Variants in ITFG1 observed in about 807,000 individuals in gnomAD.
The protein encoded by ITFG1 is integrin alpha FG-GAP repeat containing 1.
In ITFG1, 34 loss-of-function variants were observed where a neutral mutation model predicts 81.8. That is an observed-to-expected ratio of 0.42 (90% CI 0.32 to 0.55). ITFG1 has a LOEUF of 0.55. Among genes scored for constraint, ITFG1 ranks in the 20% least tolerant of loss-of-function variants. The pLI, the probability that ITFG1 is intolerant of heterozygous loss-of-function variation, is 0.17. For missense variants in ITFG1, 672 were observed against 755.4 expected, an observed-to-expected ratio of 0.89 and a Z score of 1.29; for synonymous variants, 285 against 270.6, an observed-to-expected ratio of 1.05 and a Z score of -0.52.
intron 10 of ITFG1, among the ~76,000 whole-genome samples, chr16:47,293,057 C>T (rs1000986669): frequency 6.8e-6 from 1 of 147,302 alleles, no homozygotes; most frequent in Non-Finnish European, 1.5e-5. Flanking sequence ...ATCATATATA[C>T]AAATACACAT....
intron 14 of ITFG1, among the ~76,000 whole-genome samples, chr16:47,179,149 C>T (rs997908964): frequency 2.0e-5 from 3 of 152,162 alleles, no homozygotes; most frequent in Non-Finnish European, 4.4e-5. Flanking sequence ...CTAGTTCAAC[C>T]ATTGTGGAAG....
At chr16:47,218,688 C>T (rs1965655762) in intron 14 of ITFG1, 180 bp downstream of exon 14, 2 of 361,524 alleles carry the variant, frequency 5.5e-6, no homozygotes, top group South Asian at 1.1e-4. Flanking sequence ...TGAAAGTGAA[C>T]ATTTTTTGTC....
At chr16:47,378,018 A>G (rs928668335) in intron 6 of ITFG1, among the ~76,000 whole-genome samples, 2 of 152,230 alleles carry the variant, frequency 1.3e-5, no homozygotes, top group Non-Finnish European at 2.9e-5. Context: ...AAATAATCAC[A>G]GTGACTACTG....
Position 47,311,302 on chromosome 16 carries a change from A to G in ITFG1, c.1008T>C (p.Ile336=), listed in dbSNP as rs142063352. The stretch of plus-strand genomic sequence containing the variant: ...GATAGCCATCCATATTGTAGTCTCC[A>G]ATATGAAGGGTAATTGGAATTGGTA... ...TEIPIPITLH[I]GDYNMDGYPD... is the part of the protein sequence containing the mutation. The change falls in exon 10 of 18, where the codon ATT becomes ATC. Residue 336 remains isoleucine (I), a synonymous_variant. Coordinates refer to ENST00000320640, the MANE Select transcript of ITFG1 (RefSeq NM_030790.5). 1.2e-6 allele frequency: 2 copies of G among 1,613,574 alleles called. No homozygotes were observed. The highest frequency in any genetic ancestry group is 1.7e-6 in the Non-Finnish European group (2 of 1,179,532).
chr16:47,201,731 A>C (rs1965427164), intron 14 of ITFG1, among the ~76,000 whole-genome samples: 1 of 152,206 alleles, frequency 6.6e-6, no homozygotes, highest in Non-Finnish European at 1.5e-5. Context: ...ATGTTATCTT[A>C]CAATTAATCA....
At chr16:47,237,555 A>G (rs1054434105) in intron 13 of ITFG1, among the ~76,000 whole-genome samples, 1 of 152,216 alleles carries the variant, frequency 6.6e-6, no homozygotes, top group South Asian at 2.1e-4. Context: ...TTAAGACTAC[A>G]CACAAAAAAG....
intron 8 of ITFG1, chr16:47,317,732 C>G (rs12925877): frequency 5.9e-5 from 9 of 151,980 alleles, no homozygotes; most frequent in Non-Finnish European, 1.2e-4. Flanking sequence ...CCCATTGATG[C>G]CAGGGGGTGC....
At chr16:47,376,291 C>T (rs1968323296) in intron 6 of ITFG1, among the ~76,000 whole-genome samples, 1 of 151,960 alleles carries the variant, frequency 6.6e-6, no homozygotes, top group Non-Finnish European at 1.5e-5. Flanking sequence ...CATTTGCTTT[C>T]TCACCCTGAA....
At chr16:47,407,214 T>A (rs1244911442) in intron 6 of ITFG1, among the ~76,000 whole-genome samples, 2 of 152,186 alleles carry the variant, frequency 1.3e-5, no homozygotes, top group African/African-American at 4.8e-5. Context: ...TGAGAAATGA[T>A]GGCGACTTGA....
intron 5 of ITFG1, chr16:47,449,485 A>C (rs1249381522): frequency 6.6e-6 from 1 of 152,242 alleles, no homozygotes; most frequent in East Asian, 1.9e-4. Flanking sequence ...TGTCTGAACC[A>C]TGATATTGTT....
intron 2 of ITFG1, among the ~76,000 whole-genome samples, chr16:47,456,344 T>G (rs1295441063): frequency 6.6e-6 from 1 of 152,128 alleles, no homozygotes; most frequent in African/African-American, 2.4e-5. Flanking sequence ...AGGGTTGAAT[T>G]TTAAAACTGC....
chr16:47,266,625 G>C (rs1966279679), intron 10 of ITFG1, among the ~76,000 whole-genome samples: 1 of 152,170 alleles, frequency 6.6e-6, no homozygotes, highest in Admixed American at 6.5e-5. Flanking sequence ...TGGTACAGCA[G>C]CTTTGAAAAA....
At chr16:47,225,566 C>T (rs895020049) in intron 13 of ITFG1, among the ~76,000 whole-genome samples, 5 of 152,130 alleles carry the variant, frequency 3.3e-5, no homozygotes, top group Non-Finnish European at 4.4e-5. Context: ...CAATTCATCA[C>T]GGACAAGGTA....
At chr16:47,336,492 T>C (rs1967705406) in intron 8 of ITFG1, among the ~76,000 whole-genome samples, 1 of 152,194 alleles carries the variant, frequency 6.6e-6, no homozygotes, top group Non-Finnish European at 1.5e-5. Flanking sequence ...CTAGGGACTA[T>C]CTGGAAGATG....
intron 14 of ITFG1, among the ~76,000 whole-genome samples, chr16:47,175,228 C>CTA (rs1385038170): frequency 1.3e-5 from 2 of 151,806 alleles, no homozygotes; most frequent in African/African-American, 4.8e-5. Flanking sequence ...TTCTTGTGTA[C>CTA]TATTTCAACT....
In ITFG1 at chr16:47,375,989, T is replaced by C. The variant is rs1487055081; in HGVS notation, c.656-49A>G. 3.6e-6 allele frequency: 4 copies of C among 1,113,930 alleles called. No individual in the cohort carries two copies. The African/African-American group carries it at 4.7e-5, about 13-fold the overall frequency. The allele number at this position is 1,113,930 out of a possible 1,614,324, so 69.0% of individuals were successfully genotyped here. The stretch of plus-strand genomic sequence containing the variant: ...GTAAAGTTTTGTAGTCTTACTGATG[T>C]GTACATTTAAAAACAGAAAAAAAAT... On this transcript the variant is annotated intron_variant, in intron 6 of 17. Transcript: ENST00000320640.
chr16:47,233,069 CA>C (rs1245621275), intron 13 of ITFG1, among the ~76,000 whole-genome samples: 2 of 152,078 alleles, frequency 1.3e-5, no homozygotes, highest in Non-Finnish European at 2.9e-5. Flanking sequence ...GTAAAATGGA[CA>C]AAAACAAACT....
At chr16:47,376,306 A>C (rs369127415) in intron 6 of ITFG1, among the ~76,000 whole-genome samples, 1 of 152,136 alleles carries the variant, frequency 6.6e-6, no homozygotes, top group African/African-American at 2.4e-5. Context: ...CCTGAAAGCA[A>C]GCAACACTTA....
At chr16:47,422,599 C>T (rs1055664261) in intron 6 of ITFG1, among the ~76,000 whole-genome samples, 4 of 152,098 alleles carry the variant, frequency 2.6e-5, no homozygotes, top group Non-Finnish European at 4.4e-5. Context: ...TGGTAGAATT[C>T]GGCTGTGAGT....
Sources: gnomAD v4.1 joint callset for allele counts (sites outside exome capture counted in the v4.1 genomes callset) on GRCh38, gnomAD v4.1.1 for gene constraint, MANE v1.5 for transcripts, NCBI Gene and HGNC (gene_info 2026-07-23, HGNC 2026-07-21) for gene names.